The following TRAPPC9 variants were observed in gnomAD, a reference collection of about 807,000 sequenced individuals.
TRAPPC9 encodes the protein trafficking protein particle complex subunit 9.
Under a neutral mutation model 124.0 loss-of-function variants are expected in TRAPPC9, and 83 were observed. The ratio of observed to expected loss-of-function variants is 0.67; its 90% CI spans 0.56 to 0.80. The LOEUF is 0.80. Ranked by LOEUF, TRAPPC9 falls within the 30% of genes least tolerant of loss-of-function variation. The pLI, the probability that TRAPPC9 is intolerant of heterozygous loss-of-function variation, is 0.00. For synonymous variants in TRAPPC9, 638 were observed against 617.5 expected (o/e 1.03, Z -0.49); for missense variants, 1,302 against 1,508.3 (o/e 0.86, Z 2.27).
intron 21 of TRAPPC9, among the ~76,000 whole-genome samples, chr8:139,854,470 A>T (rs1827681866): frequency 6.6e-6 from 1 of 152,174 alleles, no homozygotes; most frequent in African/African-American, 2.4e-5. Context: ...GGGGTCAGGG[A>T]GGTGACACCT....
At chr8:140,244,800 CTTTTTTTTTT>C (rs1162364645) in intron 16 of TRAPPC9, among the ~76,000 whole-genome samples, 2 of 90,180 alleles carry the variant, frequency 2.2e-5, no homozygotes, top group Admixed American at 1.4e-4. Context: ...TTTCCAATTC[CTTTTTTTTTT>C]TTTTTTTTTT....
chr8:140,347,101 C>T (rs777111986), intron 9 of TRAPPC9, among the ~76,000 whole-genome samples: 2 of 152,228 alleles, frequency 1.3e-5, no homozygotes, highest in East Asian at 1.9e-4. Flanking sequence ...ATGTTTAGCA[C>T]GGCCGCAAAG....
chr8:140,037,674 T>TACAC (rs920603187), intron 17 of TRAPPC9, among the ~76,000 whole-genome samples: 1 of 140,072 alleles, frequency 7.1e-6, no homozygotes, highest in Non-Finnish European at 1.6e-5. Context: ...ACATACCCAA[T>TACAC]ACACACACAC....
intron 21 of TRAPPC9, among the ~76,000 whole-genome samples, chr8:139,818,654 G>A (rs1439054738): frequency 6.6e-6 from 1 of 152,190 alleles, no homozygotes; most frequent in Admixed American, 6.5e-5. Flanking sequence ...TATTGTGGGG[G>A]TAACCTGACT....
chr8:140,204,478 TG>T (rs908327601), intron 17 of TRAPPC9, among the ~76,000 whole-genome samples: 4 of 37,446 alleles, frequency 1.1e-4, no homozygotes, highest in African/African-American at 4.6e-4. Context: ...TGTCGTTGGG[TG>T]GGGGGAGGGG....
intron 19 of TRAPPC9, among the ~76,000 whole-genome samples, chr8:139,937,521 C>A (rs534278333): frequency 2.6e-5 from 4 of 152,066 alleles, no homozygotes; most frequent in African/African-American, 7.2e-5. Context: ...CAGGAGCAGG[C>A]GGAGGCTGGA....
At chr8:140,438,657 A>G (rs1462864311) in intron 3 of TRAPPC9, among the ~76,000 whole-genome samples, 1 of 151,914 alleles carries the variant, frequency 6.6e-6, no homozygotes, top group Non-Finnish European at 1.5e-5. Context: ...CTTTTTGGGG[A>G]ATTTCTTCTG....
At chr8:140,321,741 C>A (rs554259264) in intron 9 of TRAPPC9, among the ~76,000 whole-genome samples, 57 of 152,304 alleles carry the variant, frequency 3.7e-4, no homozygotes, top group African/African-American at 1.3e-3. Flanking sequence ...TCTCCAACGC[C>A]TCCTGCAGGC....
At chr8:140,102,433 T>A (rs142440393) in intron 17 of TRAPPC9, among the ~76,000 whole-genome samples, 2 of 152,016 alleles carry the variant, frequency 1.3e-5, no homozygotes, top group African/African-American at 2.4e-5. Context: ...TGCTAGACAA[T>A]AAATATTTGT....
intron 17 of TRAPPC9, among the ~76,000 whole-genome samples, chr8:140,079,931 A>AAAT (rs200673714): frequency 2.0e-5 from 3 of 152,066 alleles, no homozygotes; most frequent in East Asian, 1.9e-4. Context: ...TTCTGTCTCA[A>AAAT]AATAATAATA....
At chr8:140,272,798 C>T (rs187034285) in intron 15 of TRAPPC9, among the ~76,000 whole-genome samples, 1 of 152,102 alleles carries the variant, frequency 6.6e-6, no homozygotes, top group East Asian at 1.9e-4. Flanking sequence ...AGAGTGAAAA[C>T]TCATTCATTC....
intron 17 of TRAPPC9, among the ~76,000 whole-genome samples, chr8:140,188,397 G>A (rs1044337657): frequency 3.3e-5 from 5 of 152,198 alleles, no homozygotes; most frequent in African/African-American, 7.2e-5. Flanking sequence ...TGGGCCCTCG[G>A]ATTAAGTAAC....
intron 16 of TRAPPC9, among the ~76,000 whole-genome samples, chr8:140,242,860 C>T (rs1335153533): frequency 6.6e-6 from 1 of 152,092 alleles, no homozygotes; most frequent in Non-Finnish European, 1.5e-5. Context: ...ACTGGCGTCT[C>T]CCAAGGATGA....
intron 17 of TRAPPC9, among the ~76,000 whole-genome samples, chr8:140,219,285 C>A (rs1367473270): frequency 6.6e-6 from 1 of 152,214 alleles, no homozygotes; most frequent in Non-Finnish European, 1.5e-5. Context: ...GCTGCCGGAG[C>A]CTGAATTGCC....
intron 21 of TRAPPC9, among the ~76,000 whole-genome samples, chr8:139,876,436 G>A (rs902007653): frequency 5.3e-5 from 8 of 152,208 alleles, no homozygotes; most frequent in African/African-American, 1.2e-4. Context: ...CCAGGAAGGC[G>A]GCAGCTGGGG....
At chr8:140,189,629 T>A (rs2062436657) in intron 17 of TRAPPC9, among the ~76,000 whole-genome samples, 1 of 152,180 alleles carries the variant, frequency 6.6e-6, no homozygotes, top group Non-Finnish European at 1.5e-5. Flanking sequence ...AGCACCCATT[T>A]CTGGGTAGTG....
At chr8:140,119,188 C>T (rs1242613893) in intron 17 of TRAPPC9, among the ~76,000 whole-genome samples, 2 of 152,230 alleles carry the variant, frequency 1.3e-5, no homozygotes, top group African/African-American at 2.4e-5. Context: ...AGCCAAACCA[C>T]GCCAGGCGTG....
At chr8:140,344,569 C>A (rs887646557) in intron 9 of TRAPPC9, among the ~76,000 whole-genome samples, 3 of 152,176 alleles carry the variant, frequency 2.0e-5, no homozygotes, top group Non-Finnish European at 4.4e-5. Context: ...GAAGGGTGGG[C>A]GTTTGGCTCA....
At chr8:140,037,806 C>T (rs1840999754) in intron 17 of TRAPPC9, among the ~76,000 whole-genome samples, 1 of 147,234 alleles carries the variant, frequency 6.8e-6, no homozygotes, top group Admixed American at 6.8e-5. Flanking sequence ...ACACCCAACA[C>T]ACACACAGAT....
Sources: gnomAD v4.1 joint callset for allele counts (sites outside exome capture counted in the v4.1 genomes callset) on GRCh38, gnomAD v4.1.1 for gene constraint, MANE v1.5 for transcripts, NCBI Gene and HGNC (gene_info 2026-07-23, HGNC 2026-07-21) for gene names.